ESRRG: variants seen among roughly 807,000 people sequenced by gnomAD.
The protein encoded by ESRRG is estrogen related receptor gamma.
Under a neutral mutation model 44.0 loss-of-function variants are expected in ESRRG, and 13 were observed. The ratio of observed to expected loss-of-function variants is 0.30; its 90% CI spans 0.19 to 0.47. ESRRG has a LOEUF of 0.47. ESRRG is among the 20% of genes least tolerant of loss of function. ESRRG has a pLI of 1.00. For synonymous variants in ESRRG, 215 were observed against 214.6 expected (o/e 1.00, Z -0.02); for missense variants, 395 against 580.6 (o/e 0.68, Z 3.29).
At chr1:216,958,486 A>G (rs2068392964) in intron 1 of ESRRG, among the ~76,000 whole-genome samples, 1 of 146,790 alleles carries the variant, frequency 6.8e-6, no homozygotes, top group Non-Finnish European at 1.5e-5. Context: ...TAATGGGTAT[A>G]CAATGGCATC....
At chr1:216,757,468 T>C (rs2092519372) in intron 2 of ESRRG, among the ~76,000 whole-genome samples, 2 of 151,972 alleles carry the variant, frequency 1.3e-5, no homozygotes, top group South Asian at 4.1e-4. Flanking sequence ...TGCTGCAACA[T>C]GGCCTTTGAC....
intron 2 of ESRRG, among the ~76,000 whole-genome samples, chr1:216,742,038 T>C (rs2090807525): frequency 6.6e-6 from 1 of 152,142 alleles, no homozygotes; most frequent in Non-Finnish European, 1.5e-5. Context: ...AAAATCAAGA[T>C]TCTTTTAACC....
chr1:217,092,493 G>A (rs374777893), upstream of ESRRG, among the ~76,000 whole-genome samples: 4 of 152,130 alleles, frequency 2.6e-5, no homozygotes, highest in African/African-American at 9.7e-5. Flanking sequence ...ACACAGATGG[G>A]GTTCAAATTA....
At chr1:216,636,418 TG>T (rs1451076055) in intron 3 of ESRRG, among the ~76,000 whole-genome samples, 4 of 152,244 alleles carry the variant, frequency 2.6e-5, no homozygotes, top group Admixed American at 6.5e-5. Context: ...GAATAAGGTA[TG>T]CCTTAGCACT....
chr1:216,633,370 AC>A (rs971841735), intron 3 of ESRRG, among the ~76,000 whole-genome samples: 5 of 152,228 alleles, frequency 3.3e-5, no homozygotes, highest in Admixed American at 3.3e-4. Context: ...CAACCTGGAC[AC>A]TTTCAGTGCT....
rs1020286040 is a variant in ESRRG at position 217,127,473 on chromosome 1, C to A, written c.-230+10194G>T. ...GGAGAGCAGCCACAGCATTGCTAGA[C>A]CTTCCAGTGTTTCAAGAGAAGTCTA... On this transcript the variant is annotated intron_variant, in intron 1 of 8. Transcript: ENST00000366940. 8.5e-5 allele frequency among the ~76,000 whole-genome samples: 13 copies of A among 152,290 alleles called. No homozygotes were observed. In the East Asian group the frequency reaches 1.5e-3, roughly 18 times the overall value.
intron 1 of ESRRG, among the ~76,000 whole-genome samples, chr1:216,993,730 G>A (rs1187134448): frequency 6.6e-6 from 1 of 152,090 alleles, no homozygotes; most frequent in Non-Finnish European, 1.5e-5. Flanking sequence ...GGCTAGGTTT[G>A]TGGCTCAAAA....
chr1:216,691,082 T>A (rs943818283), intron 1 of ESRRG, among the ~76,000 whole-genome samples: 1 of 152,326 alleles, frequency 6.6e-6, no homozygotes, highest in South Asian at 2.1e-4. Flanking sequence ...AAATCTGCAA[T>A]GTGTGAGTAG....
At chr1:216,605,352 T>C (rs1322848932) in intron 3 of ESRRG, among the ~76,000 whole-genome samples, 1 of 151,994 alleles carries the variant, frequency 6.6e-6, no homozygotes, top group Non-Finnish European at 1.5e-5. Flanking sequence ...TATGGAGCAG[T>C]TTGCAAAAGA....
intron 2 of ESRRG, among the ~76,000 whole-genome samples, chr1:216,751,965 G>T (rs182054757): frequency 1.1e-4 from 17 of 152,180 alleles, no homozygotes; most frequent in African/African-American, 4.1e-4. Flanking sequence ...TGTAGAATGG[G>T]CTCTGCCATC....
At chr1:216,690,571 T>G (rs554389189) in intron 1 of ESRRG, among the ~76,000 whole-genome samples, 1 of 152,234 alleles carries the variant, frequency 6.6e-6, no homozygotes, top group South Asian at 2.1e-4. Flanking sequence ...CCCATCTAAC[T>G]GCACAGAAAA....
At chr1:216,517,129 CT>C (rs960289214) in intron 6 of ESRRG, among the ~76,000 whole-genome samples, 3 of 151,798 alleles carry the variant, frequency 2.0e-5, no homozygotes, top group Admixed American at 6.6e-5. Context: ...GGGACAGAGA[CT>C]TTTTTTTAGA....
intron 3 of ESRRG, among the ~76,000 whole-genome samples, chr1:216,592,550 G>T (rs1186844457): frequency 6.6e-6 from 1 of 151,868 alleles, no homozygotes; most frequent in Non-Finnish European, 1.5e-5. Flanking sequence ...ACCAAGGCTG[G>T]TGTGCAGTGG....
At chr1:216,947,222 C>T (rs1045520437) in intron 1 of ESRRG, among the ~76,000 whole-genome samples, 1 of 152,092 alleles carries the variant, frequency 6.6e-6, no homozygotes, top group Non-Finnish European at 1.5e-5. Flanking sequence ...CTTCTCGGTA[C>T]ACTCTTTGGA....
intron 2 of ESRRG, among the ~76,000 whole-genome samples, chr1:216,758,384 A>G (rs1391994617): frequency 6.6e-6 from 1 of 152,052 alleles, no homozygotes; most frequent in East Asian, 1.9e-4. Context: ...ATGTGGCGGC[A>G]CTCAGGGAGA....
intron 1 of ESRRG, among the ~76,000 whole-genome samples, chr1:217,114,144 A>AT (rs2092692260): frequency 1.3e-5 from 2 of 152,164 alleles, no homozygotes; most frequent in Non-Finnish European, 2.9e-5. Flanking sequence ...GATTACTGTT[A>AT]GTTTGATATA....
At chr1:216,510,742 G>A (rs796203277) in intron 6 of ESRRG, among the ~76,000 whole-genome samples, 3 of 152,030 alleles carry the variant, frequency 2.0e-5, no homozygotes, top group Non-Finnish European at 4.4e-5. Context: ...AAAATTAGCC[G>A]GGCGTAGTGG....
intron 1 of ESRRG, among the ~76,000 whole-genome samples, chr1:216,983,839 C>T (rs191410858): frequency 4.0e-4 from 61 of 151,976 alleles, no homozygotes; most frequent in Admixed American, 3.5e-3. Flanking sequence ...TAAACGATAA[C>T]CTGCCTGCTA....
At chr1:216,661,998 T>C (rs945241423) in intron 2 of ESRRG, among the ~76,000 whole-genome samples, 1 of 152,184 alleles carries the variant, frequency 6.6e-6, no homozygotes, top group Non-Finnish European at 1.5e-5. Flanking sequence ...ACCTTCTTTA[T>C]GAATGACATG....
Sources: gnomAD v4.1 joint callset for allele counts (sites outside exome capture counted in the v4.1 genomes callset) on GRCh38, gnomAD v4.1.1 for gene constraint, MANE v1.5 for transcripts, NCBI Gene and HGNC (gene_info 2026-07-23, HGNC 2026-07-21) for gene names.